CDH17: variants seen among roughly 807,000 people sequenced by gnomAD.
CDH17 encodes cadherin-17.
In CDH17, 67 loss-of-function variants were observed where a neutral mutation model predicts 86.3. That is an observed-to-expected ratio of 0.78 (90% CI 0.64 to 0.95). CDH17 has a LOEUF of 0.95. Ranked by LOEUF, CDH17 falls within the 40% of genes least tolerant of loss-of-function variation. CDH17 has a pLI of 0.00. For missense variants in CDH17, 993 were observed against 1,017.6 expected, an observed-to-expected ratio of 0.98 and a Z score of 0.33; for synonymous variants, 367 against 366.4, an observed-to-expected ratio of 1.00 and a Z score of -0.02.
chr8:94,185,772 A>G (rs1232352434), intron 3 of CDH17, among the ~76,000 whole-genome samples: 3 of 152,182 alleles, frequency 2.0e-5, no homozygotes, highest in Non-Finnish European at 2.9e-5. Context: ...CTTTTCTAGG[A>G]AAATTATAAA....
intron 1 of CDH17, among the ~76,000 whole-genome samples, chr8:94,206,496 G>GC (rs1388171710): frequency 3.3e-5 from 5 of 152,170 alleles, no homozygotes; most frequent in Admixed American, 2.6e-4. Flanking sequence ...AGAGCAAGGA[G>GC]CATGACAATG....
chr8:94,164,264 T>C (rs914326133), intron 10 of CDH17, among the ~76,000 whole-genome samples: 3 of 152,148 alleles, frequency 2.0e-5, no homozygotes, highest in African/African-American at 7.2e-5. Context: ...GTTCTCTCCC[T>C]CCACTGAGTC....
At chr8:94,172,343 G>T (rs943543011) in intron 7 of CDH17, among the ~76,000 whole-genome samples, 1 of 151,108 alleles carries the variant, frequency 6.6e-6, no homozygotes, top group African/African-American at 2.4e-5. Context: ...TGAAGTTGAA[G>T]TTCATTAATT....
Position 94,165,822 on chromosome 8 carries a change from T to A in CDH17, c.1221A>T (p.Lys407Asn), listed in dbSNP as rs777554682. ...GAGTATCTTGCTTCTTCAAGGACTG[T>A]TTAGCTAACTGTAACATTCCAGCAT... ...QTYAGMLQLA[K>N]QSLKKQDTPQ... The change falls in exon 10 of 18, where the codon AAA (lysine) becomes AAT (asparagine). Residue 407 changes from lysine to asparagine, a missense_variant. Physicochemically the swap from Lys to Asn is moderately conservative, Grantham distance 94 (BLOSUM62 0). Coordinates refer to ENST00000027335, the MANE Select transcript of CDH17 (RefSeq NM_004063.4). 6.2e-7 allele frequency: 1 copy of A among 1,614,020 alleles called. No homozygotes were observed. The highest frequency in any genetic ancestry group is 1.1e-5 in the South Asian group (1 of 91,086).
intron 3 of CDH17, among the ~76,000 whole-genome samples, chr8:94,179,669 G>A (rs1309091363): frequency 6.6e-6 from 1 of 152,154 alleles, no homozygotes; most frequent in African/African-American, 2.4e-5. Context: ...AGTGCCCCTT[G>A]GTAAACACCA....
intron 3 of CDH17, among the ~76,000 whole-genome samples, chr8:94,183,816 T>C (rs1813527255): frequency 6.6e-6 from 1 of 151,474 alleles, no homozygotes; most frequent in Non-Finnish European, 1.5e-5. Context: ...TCATATCTGA[T>C]AAGGGAGAGA....
intron 15 of CDH17, among the ~76,000 whole-genome samples, chr8:94,139,786 C>A (rs1812601364): frequency 6.6e-6 from 1 of 151,908 alleles, no homozygotes; most frequent in Non-Finnish European, 1.5e-5. Context: ...ACCTGTAATC[C>A]CAGCTACTAG....
intron 12 of CDH17, among the ~76,000 whole-genome samples, chr8:94,156,607 C>T (rs960376186): frequency 9.2e-5 from 14 of 152,202 alleles, no homozygotes; most frequent in Non-Finnish European, 8.8e-5. Flanking sequence ...GCTTTGGGCA[C>T]TTGCCAAAAT....
At chr8:94,133,995 G>A (rs1014188910) in intron 15 of CDH17, among the ~76,000 whole-genome samples, 1 of 152,186 alleles carries the variant, frequency 6.6e-6, no homozygotes, top group African/African-American at 2.4e-5. Flanking sequence ...TTGCATCCCA[G>A]GGATGAAGCC....
upstream of CDH17, among the ~76,000 whole-genome samples, chr8:94,213,503 T>C (rs566587020): frequency 2.9e-4 from 44 of 152,352 alleles, no homozygotes; most frequent in Admixed American, 2.0e-3. Flanking sequence ...CATGCTCATC[T>C]TCCCTCAGAC....
At chr8:94,194,971 T>G (rs1486938515) in intron 1 of CDH17, among the ~76,000 whole-genome samples, 1 of 152,216 alleles carries the variant, frequency 6.6e-6, no homozygotes, top group Non-Finnish European at 1.5e-5. Context: ...ATCTTCTTCA[T>G]TTCAGCGTCT....
rs986130400 is a variant in CDH17, at chr8:94,130,163, T to C, written c.2398+463A>G. Among the ~76,000 whole-genome samples the C allele has an allele frequency of 7.2e-5, 11 of 152,188 alleles. 1 individual carries two copies. In the East Asian group the frequency reaches 2.1e-3, roughly 29 times the overall value. On this transcript the variant is annotated intron_variant, in intron 17 of 17. Transcript: ENST00000027335. ...TAGTAAAGAATCAGGGTTCTATGCA[T>C]AGGGAAGTTCTGCACTACACATTTC...
intron 15 of CDH17, among the ~76,000 whole-genome samples, chr8:94,142,380 C>T (rs1221367598): frequency 6.6e-6 from 1 of 152,040 alleles, no homozygotes; most frequent in Non-Finnish European, 1.5e-5. Context: ...ACTTTGTTGC[C>T]AAAAAATGCT....
intron 1 of CDH17, among the ~76,000 whole-genome samples, chr8:94,200,537 G>GTTTT (rs10600702): frequency 5.3e-5 from 3 of 56,912 alleles, no homozygotes; most frequent in African/African-American, 9.3e-5. Flanking sequence ...ATTATCTTTT[G>GTTTT]TTTTTTTTTT....
intron 3 of CDH17, among the ~76,000 whole-genome samples, chr8:94,180,003 A>C (rs184927361): frequency 2.0e-4 from 31 of 152,312 alleles, no homozygotes; most frequent in African/African-American, 7.2e-4. Flanking sequence ...ATTTTTAAAA[A>C]TCTATTTTAG....
chr8:94,145,404 T>C (rs1812721850), intron 15 of CDH17, among the ~76,000 whole-genome samples: 1 of 152,166 alleles, frequency 6.6e-6, no homozygotes, highest in South Asian at 2.1e-4. Context: ...TCTATTTAGA[T>C]GAAATTATTG....
At chr8:94,206,697 AG>A (rs1360136390) in intron 1 of CDH17, among the ~76,000 whole-genome samples, 1 of 143,774 alleles carries the variant, frequency 7.0e-6, no homozygotes, top group Non-Finnish European at 1.5e-5. Context: ...GCTGGAATGC[AG>A]TGGCACAATC....
chr8:94,202,173 AT>A (rs34298667), intron 1 of CDH17: 54,756 of 142,264 alleles, frequency 0.38, 10,267 homozygotes, highest in South Asian at 0.47. Flanking sequence ...GCTGGTATCG[AT>A]TTTTTTTTTT....
chr8:94,152,084 GAA>G lies in CDH17; in HGVS notation c.1578_1579del (p.Ser527GlnfsTer10). Reference sequence around the variant, plus strand: ...ATTTTCTGCTTTGAACACAATGTTGGAAACAGCTGCTGTTTCAAAATCAAGAG... The same window carrying G: ...ATTTTCTGCTTTGAACACAATGTTGGACAGCTGCTGTTTCAAAATCAAGAG... On this transcript the variant is annotated frameshift_variant, in exon 13 of 18. Transcript: ENST00000027335. LOFTEE classifies it high-confidence loss of function. 6.2e-7 allele frequency: 1 copy of G among 1,614,090 alleles called. No individual in the cohort carries two copies. Among genetic ancestry groups the G allele is most frequent in the Non-Finnish European group, 8.5e-7 (1 of 1,179,988 alleles).
Sources: gnomAD v4.1 joint callset for allele counts (sites outside exome capture counted in the v4.1 genomes callset) on GRCh38, gnomAD v4.1.1 for gene constraint, MANE v1.5 for transcripts, NCBI Gene and HGNC (gene_info 2026-07-23, HGNC 2026-07-21) for gene names.